Variants in IP6K1 observed in about 807,000 individuals in gnomAD.
IP6K1 encodes the protein inositol hexakisphosphate kinase 1, also known as ATP:1D-myo-inositol-hexakisphosphate phosphotransferase.
Under a neutral mutation model 38.3 loss-of-function variants are expected in IP6K1, and 13 were observed. That is an observed-to-expected ratio of 0.34 (90% CI 0.22 to 0.54). The LOEUF (loss-of-function observed/expected upper bound fraction) is 0.54, where lower values mean the gene tolerates loss of function less well. Ranked by LOEUF, IP6K1 falls within the 20% of genes least tolerant of loss-of-function variation. The probability of loss-of-function intolerance (pLI) is 0.92; values close to 1 mark genes in which losing one functional copy is unlikely to be tolerated. For missense variants in IP6K1, 397 were observed against 599.8 expected (o/e 0.66, Z 3.53); for synonymous variants, 212 against 229.9 (o/e 0.92, Z 0.70).
chr3:49,763,211 C>A (rs2080882022), intron 1 of IP6K1, among the ~76,000 whole-genome samples: 1 of 150,858 alleles, frequency 6.6e-6, no homozygotes, highest in South Asian at 2.1e-4. Context: ...TCACACCATT[C>A]TCCTGCCTAA....
intron 1 of IP6K1, among the ~76,000 whole-genome samples, chr3:49,770,301 A>G (rs1433037855): frequency 6.6e-6 from 1 of 152,250 alleles, no homozygotes; most frequent in Non-Finnish European, 1.5e-5. Flanking sequence ...AAATGTTGCT[A>G]GTAATGGAAC....
At chr3:49,781,664 G>A (rs898678409) in intron 1 of IP6K1, among the ~76,000 whole-genome samples, 1 of 152,142 alleles carries the variant, frequency 6.6e-6, no homozygotes, top group Non-Finnish European at 1.5e-5. Context: ...ACCCTGAGGA[G>A]GTAGCCTGGA....
Position 49,732,781 on chromosome 3 carries a change from A to G in IP6K1, c.616+10T>C. On this transcript the variant is annotated intron_variant, in intron 4 of 5. Coordinates refer to ENST00000321599, the MANE Select transcript of IP6K1 (RefSeq NM_153273.4). Reference sequence around the variant, plus strand: ...AGTAGACACTCCTGAAGGAGGGGCAACGAGGATACTGTAGAGCTTTCGGTC... The same window carrying G: ...AGTAGACACTCCTGAAGGAGGGGCAGCGAGGATACTGTAGAGCTTTCGGTC... 1 of 1,605,516 alleles carries G rather than the reference A, an allele frequency of 6.2e-7. No homozygotes were observed. Among genetic ancestry groups the G allele is most frequent in the Non-Finnish European group, 8.5e-7 (1 of 1,173,942 alleles).
Position 49,726,927 on chromosome 3 carries a change from G to A in IP6K1, c.*195C>T. ...AGCCACAAAGCTGAGGAGCCTGGCT[G>A]AGAGGGCGTGTGGTCTGCCCTCCTT... On this transcript the variant is annotated 3_prime_UTR_variant, in exon 6 of 6. Transcript: ENST00000321599. 3.5e-6 allele frequency: 2 copies of A among 576,154 alleles called. No individual in the cohort carries two copies. The highest frequency in any genetic ancestry group is 5.9e-6 in the Non-Finnish European group (2 of 338,238). 35.7% of individuals were successfully genotyped at this position (576,154 alleles called of 1,614,324 possible).
intron 1 of IP6K1, among the ~76,000 whole-genome samples, chr3:49,781,133 C>G (rs1297896280): frequency 6.6e-6 from 1 of 151,070 alleles, no homozygotes; most frequent in Non-Finnish European, 1.5e-5. Flanking sequence ...GCAATCTCAG[C>G]TCACTGCAAC....
intron 3 of IP6K1, among the ~76,000 whole-genome samples, chr3:49,733,913 T>G (rs922238352): frequency 3.0e-4 from 45 of 152,308 alleles, no homozygotes; most frequent in African/African-American, 1.0e-3. Flanking sequence ...GAGGATCACT[T>G]GAGCCCAGGT....
chr3:49,781,623 CAA>C (rs2081066579), intron 1 of IP6K1, among the ~76,000 whole-genome samples: 1 of 152,142 alleles, frequency 6.6e-6, no homozygotes, highest in Admixed American at 6.6e-5. Flanking sequence ...GAATGTTTAG[CAA>C]ACCATTTGGT....
rs1164205367 is a variant in IP6K1 at position 49,727,262 on chromosome 3, G to A, written c.1186C>T (p.Arg396Cys). 2 of 1,614,160 alleles carry A rather than the reference G, an allele frequency of 1.2e-6. No individual in the cohort carries two copies. The highest frequency in any genetic ancestry group is 1.7e-6 in the Non-Finnish European group (2 of 1,180,028). ...GPSSQPKVDV[R>C]MIDFAHSTFK... ...GTGCTGTGTGCAAAGTCAATCATGCGGACATCCACCTTGGGCTGAGAGGAG... is the reference window on the plus strand; with the variant it reads ...GTGCTGTGTGCAAAGTCAATCATGCAGACATCCACCTTGGGCTGAGAGGAG... Residue 396 changes from arginine to cysteine, a missense_variant, in exon 6 of 6, where the codon CGC becomes TGC. Arg to Cys is a radical substitution (Grantham distance 180). Coordinates refer to ENST00000321599, the MANE Select transcript of IP6K1 (RefSeq NM_153273.4). The surrounding 1 kb of genome is among the most constrained non-coding windows in gnomAD (Gnocchi z 5.9).
In IP6K1 at chr3:49,751,464, C is replaced by CT. The variant is rs538104106; in HGVS notation, c.-128-3297dup. 4.6e-3 allele frequency among the ~76,000 whole-genome samples: 688 copies of CT among 148,970 alleles called. 8 individuals are homozygous for CT. Among genetic ancestry groups the CT allele is most frequent in the Non-Finnish European group, 5.7e-3 (382 of 66,954 alleles). Reference sequence around the variant, plus strand: ...CATGAGCCACCATGCCCAACCCTGACTTTTTTTTTTATCAACCAGAGGTTA... The same window carrying CT: ...CATGAGCCACCATGCCCAACCCTGACTTTTTTTTTTTATCAACCAGAGGTTA... On this transcript the variant is annotated intron_variant, in intron 1 of 5. Transcript: ENST00000321599.
At chr3:49,774,068 G>A (rs926548043) in intron 1 of IP6K1, among the ~76,000 whole-genome samples, 13 of 151,076 alleles carry the variant, frequency 8.6e-5, no homozygotes, top group South Asian at 4.2e-4. Context: ...TTTTTTGTCC[G>A]AATTGCAACT....
At chr3:49,751,673 T>A (rs1445396065) in intron 1 of IP6K1, among the ~76,000 whole-genome samples, 2 of 152,218 alleles carry the variant, frequency 1.3e-5, no homozygotes, top group Non-Finnish European at 2.9e-5. Flanking sequence ...TGGGGTTCCA[T>A]TGCTCTGCTA....
rs71080545 is a variant in IP6K1 at position 49,731,887 on chromosome 3, C to CAAAAAA, written c.616+898_616+903dup. Among the ~76,000 whole-genome samples the CAAAAAA allele has an allele frequency of 7.5e-4, 49 of 65,316 alleles. 1 individual carries two copies. The highest frequency in any genetic ancestry group is 1.4e-3 in the South Asian group (2 of 1,410). 42.8% of individuals were successfully genotyped at this position (65,316 alleles called of 152,430 possible). A position where few individuals can be genotyped will look rare whatever the true frequency, so the allele number is the denominator to read the frequency against. On this transcript the variant is annotated intron_variant, in intron 4 of 5. Coordinates refer to ENST00000321599, the MANE Select transcript of IP6K1 (RefSeq NM_153273.4). ...TGGGTAACAGAGTGAGACTCTGTCT[C>CAAAAAA]AAAAAAAAAAAAAAAAAAGGAATTC...
chr3:49,749,266 T>C (rs2080750895), intron 1 of IP6K1, among the ~76,000 whole-genome samples: 1 of 152,230 alleles, frequency 6.6e-6, no homozygotes, highest in Non-Finnish European at 1.5e-5. Flanking sequence ...AGATTTCTTC[T>C]ACTTTAAATC....
At chr3:49,774,218 A>G (rs1038366156) in intron 1 of IP6K1, among the ~76,000 whole-genome samples, 32 of 151,938 alleles carry the variant, frequency 2.1e-4, no homozygotes, top group African/African-American at 7.3e-4. Context: ...CATCCTGGCT[A>G]ACATGGTGAA....
At chr3:49,738,444 G>A in intron 2 of IP6K1, 22 bp from the exon 3 acceptor site, 3 of 1,584,390 alleles carry the variant, frequency 1.9e-6, no homozygotes, top group Non-Finnish European at 1.7e-6. Context: ...AGGGCAGTTG[G>A]TAAACAAATG....
At chr3:49,768,807 A>G (rs114133656) in intron 1 of IP6K1, among the ~76,000 whole-genome samples, 1 of 152,206 alleles carries the variant, frequency 6.6e-6, no homozygotes, top group African/African-American at 2.4e-5. Flanking sequence ...ATTCATTGAG[A>G]CAAAAAGATT....
intron 1 of IP6K1, among the ~76,000 whole-genome samples, chr3:49,763,097 A>G (rs2080880721): frequency 6.7e-6 from 1 of 150,146 alleles, no homozygotes; most frequent in Non-Finnish European, 1.5e-5. Context: ...GCCAAGGTCA[A>G]TTATTTCTTT....
chr3:49,762,455 C>T (rs558581150), intron 1 of IP6K1, among the ~76,000 whole-genome samples: 1 of 152,138 alleles, frequency 6.6e-6, no homozygotes, highest in East Asian at 1.9e-4. Flanking sequence ...GAGGTTGAGG[C>T]AGAAGAATCA....
chr3:49,751,744 T>G (rs1026537173), intron 1 of IP6K1, among the ~76,000 whole-genome samples: 1 of 152,216 alleles, frequency 6.6e-6, no homozygotes, highest in Non-Finnish European at 1.5e-5. Flanking sequence ...TTGTAATACT[T>G]TAGTTACATA....
Sources: gnomAD v4.1 joint callset for allele counts (sites outside exome capture counted in the v4.1 genomes callset) on GRCh38, gnomAD v4.1.1 for gene constraint, Gnocchi (gnomAD v3.1) non-coding constraint, MANE v1.5 for transcripts, NCBI Gene and HGNC (gene_info 2026-07-23, HGNC 2026-07-21) for gene names.